The following DPF1 variants were observed in gnomAD, a reference collection of about 807,000 sequenced individuals.
The protein encoded by DPF1 is zinc finger protein neuro-d4.
DPF1 carries 14 observed loss-of-function variants against 58.7 expected under a neutral mutation model. The ratio of observed to expected loss-of-function variants is 0.24; its 90% CI spans 0.16 to 0.37. The LOEUF (loss-of-function observed/expected upper bound fraction) is 0.37, where lower values mean the gene tolerates loss of function less well. DPF1 is among the 10% of genes least tolerant of loss of function. The pLI is 1.00. For missense variants in DPF1, 345 were observed against 529.9 expected (o/e 0.65, Z 3.43); for synonymous variants, 216 against 216.0 (o/e 1.00, Z 0.00).
chr19:38,229,593 C>A lies in DPF1; in HGVS notation c.-166G>T. 2 of 1,136,572 alleles carry A rather than the reference C, an allele frequency of 1.8e-6. No individual in the cohort carries two copies. Among genetic ancestry groups the A allele is most frequent in the South Asian group, 8.5e-5 (2 of 23,528 alleles). The allele number at this position is 1,136,572 out of a possible 1,614,324, so 70.4% of individuals were successfully genotyped here. A position where few individuals can be genotyped will look rare whatever the true frequency, so the allele number is the denominator to read the frequency against. ...GGGTTCTGAATGGCGGTGGCCATGG[C>A]CCGCTCGGCTGGGCCGCCTCCGGCC... On this transcript the variant is annotated 5_prime_UTR_variant, in exon 1 of 12. Transcript: ENST00000412732. The surrounding 1 kb of genome is among the most constrained non-coding windows in gnomAD (Gnocchi z 5.3).
At chr19:38,216,058 G>T in intron 9 of DPF1, 82 bp downstream of exon 9, 1 of 1,522,378 alleles carries the variant, frequency 6.6e-7, no homozygotes. Context: ...GGTCCTCACC[G>T]CCTTGCCTCC....
rs1290871639 is a variant in DPF1 at position 38,222,440 on chromosome 19, G to A, written c.215C>T (p.Thr72Met). The A allele has an allele frequency of 1.3e-6, 2 of 1,586,002 alleles. No individual in the cohort carries two copies. Among genetic ancestry groups the A allele is most frequent in the East Asian group, 2.3e-5 (1 of 43,414 alleles). The change falls in exon 3 of 12, where the codon ACG becomes ATG. Residue 72 changes from threonine to methionine, a missense_variant. Physicochemically the swap from Thr to Met is moderately conservative, Grantham distance 81. Coordinates refer to ENST00000355526, the MANE Select transcript of DPF1 (RefSeq NM_001135155.3). This position sits in a 1 kb window ranked among gnomAD's most constrained non-coding sequence, Gnocchi z 4.9. The stretch of plus-strand genomic sequence containing the variant: ...CTTCCTCCAACAGCGGGCGGGGTAC[G>A]TGTAAATCTGTCCCGGGGCCAAACC... ...GPGLAPGQIY[T>M]YPARCWRKKR...
At position 38,211,972 on chromosome 19, in the gene DPF1, C is replaced by G. The variant is rs571442300; in HGVS notation, c.*91G>C. On this transcript the variant is annotated 3_prime_UTR_variant, in exon 12 of 12. Coordinates refer to ENST00000355526, the MANE Select transcript of DPF1 (RefSeq NM_001135155.3). The surrounding 1 kb of genome is among the most constrained non-coding windows in gnomAD (Gnocchi z 4.0). The stretch of plus-strand genomic sequence containing the variant: ...CTCGGCTTCCCCCTCTCCCCCTCCC[C>G]CTGCGGGATGTTCAGGGTGGGGGAG... 17 of 1,440,894 alleles carry G rather than the reference C, an allele frequency of 1.2e-5. No homozygotes were observed. The highest frequency in any genetic ancestry group is 9.7e-5 in the African/African-American group (7 of 71,836). The allele number at this position is 1,440,894 out of a possible 1,614,324, so 89.3% of individuals were successfully genotyped here.
intron 9 of DPF1, among the ~76,000 whole-genome samples, chr19:38,214,296 C>T (rs1671960176): frequency 6.6e-6 from 1 of 152,206 alleles, no homozygotes; most frequent in Non-Finnish European, 1.5e-5. Flanking sequence ...TGTGCAGCGC[C>T]AGGCTTAGTC....
Position 38,213,823 on chromosome 19 carries a change from G to A in DPF1, c.899-67C>T, listed in dbSNP as rs1465195467. The A allele has an allele frequency of 1.6e-5, 22 of 1,372,840 alleles. No homozygotes were observed. In the East Asian group the frequency reaches 4.9e-4, roughly 31 times the overall value. The allele number at this position is 1,372,840 out of a possible 1,614,324, so 85.0% of individuals were successfully genotyped here. On this transcript the variant is annotated intron_variant, in intron 9 of 11. Transcript: ENST00000355526. ...GCCCCTGGTGGGCACTGACCGGCAG[G>A]GGAGCCATAGCTCAGCCCCTACCCC...
upstream of DPF1, among the ~76,000 whole-genome samples, chr19:38,228,380 C>T (rs1037100452): frequency 1.3e-5 from 2 of 151,742 alleles, no homozygotes; most frequent in African/African-American, 2.4e-5. Context: ...GGGGCGCTCC[C>T]TCTCTCCCTC....
In DPF1 at chr19:38,218,834, CG is replaced by C. The variant is rs537978225; in HGVS notation, c.426+96del. On this transcript the variant is annotated intron_variant, in intron 4 of 11. Coordinates refer to ENST00000355526, the MANE Select transcript of DPF1 (RefSeq NM_001135155.3). ...GGGATGCCCAACAGCCAGAAGAAAC[CG>C]GGGGGGTTTCAGAGCAGGAACGTGA... 6.7e-4 allele frequency: 1,048 copies of C among 1,573,476 alleles called. 4 individuals are homozygous for C. Among genetic ancestry groups the C allele is most frequent in the South Asian group, 3.6e-3 (305 of 84,846 alleles).
upstream of DPF1, among the ~76,000 whole-genome samples, chr19:38,226,306 C>CCT (rs1967816602): frequency 6.8e-6 from 1 of 148,110 alleles, no homozygotes; most frequent in African/African-American, 2.5e-5. Flanking sequence ...TTCCCCTTCC[C>CCT]CTCTTCCACC....
rs758821009 is a variant in DPF1 at position 38,217,881 on chromosome 19, G to A, written c.517-5C>T. 1.9e-6 allele frequency: 3 copies of A among 1,614,046 alleles called. No homozygotes were observed. Among genetic ancestry groups the A allele is most frequent in the East Asian group, 4.5e-5 (2 of 44,872 alleles). On this transcript the variant is annotated splice_region_variant and splice_polypyrimidine_tract_variant and intron_variant, in intron 5 of 11. Coordinates refer to ENST00000355526, the MANE Select transcript of DPF1 (RefSeq NM_001135155.3). ...GAGACCCCCGATGCCATATGCCTGT[G>A]GGGAGAGTCAGGAGTGAGGGGCCAA...
chr19:38,220,663 C>G (rs747781765), intron 3 of DPF1, among the ~76,000 whole-genome samples: 21 of 151,536 alleles, frequency 1.4e-4, no homozygotes, highest in Non-Finnish European at 2.8e-4. Flanking sequence ...AAGAAAGAAA[C>G]AATTAGCCCT....
intron 9 of DPF1, among the ~76,000 whole-genome samples, chr19:38,215,174 C>T (rs1966924811): frequency 6.6e-6 from 1 of 151,170 alleles, no homozygotes; most frequent in African/African-American, 2.4e-5. Context: ...CATTATGTTG[C>T]CCTGGCTAGT....
intron 9 of DPF1, among the ~76,000 whole-genome samples, chr19:38,214,480 C>A (rs1330436431): frequency 6.6e-6 from 1 of 152,182 alleles, no homozygotes; most frequent in South Asian, 2.1e-4. Flanking sequence ...CAATTCATGA[C>A]CTACTGTGCT....
Position 38,222,695 on chromosome 19 carries a change from A to G in DPF1, c.43T>C (p.Phe15Leu). The change falls in exon 2 of 12, where the codon TTC (phenylalanine) becomes CTC (leucine). Residue 15 changes from phenylalanine to leucine, a missense_variant. Transcript: ENST00000355526. This position sits in a 1 kb window ranked among gnomAD's most constrained non-coding sequence, Gnocchi z 4.9. The stretch of plus-strand genomic sequence containing the variant: ...CAGTGCTCGATGGCCTCGCGGTAGA[A>G]GTCCTCGCCTAGGCTAGAGGGGCGG... ...IPGPLSLGED[F>L]YREAIEHCRS... is the part of the protein sequence containing the mutation. 1 of 1,600,816 alleles carries G rather than the reference A, an allele frequency of 6.2e-7. No homozygotes were observed. Among genetic ancestry groups the G allele is most frequent in the South Asian group, 1.1e-5 (1 of 89,448 alleles).
rs71354978 is a variant in DPF1 at position 38,213,633 on chromosome 19, G to T, written c.1011+11C>A. The T allele has an allele frequency of 2.1e-5, 34 of 1,610,008 alleles. No individual in the cohort carries two copies. Among genetic ancestry groups the T allele is most frequent in the Non-Finnish European group, 2.8e-5 (33 of 1,177,428 alleles). Reference sequence around the variant, plus strand: ...GGGCAGCAGGGCACGCGGGGGGCGGGCGGCACTCACGTCGTTCTCGGAGGT... The same window carrying T: ...GGGCAGCAGGGCACGCGGGGGGCGGTCGGCACTCACGTCGTTCTCGGAGGT... On this transcript the variant is annotated intron_variant, in intron 10 of 11. Transcript: ENST00000355526.
upstream of DPF1, among the ~76,000 whole-genome samples, chr19:38,228,496 G>C (rs1206461145): frequency 6.7e-6 from 1 of 150,164 alleles, no homozygotes; most frequent in African/African-American, 2.4e-5. Context: ...CGGCCCCTTT[G>C]TGCGACGCCG....
At chr19:38,226,667 T>C (rs904842140), upstream of DPF1, among the ~76,000 whole-genome samples, 3 of 152,004 alleles carry the variant, frequency 2.0e-5, no homozygotes, top group African/African-American at 7.2e-5. Context: ...ACAAGGGGAT[T>C]AAGTGAGGGG....
chr19:38,215,352 G>A (rs763390286), intron 9 of DPF1, among the ~76,000 whole-genome samples: 1 of 151,978 alleles, frequency 6.6e-6, no homozygotes, highest in Non-Finnish European at 1.5e-5. Flanking sequence ...AATTAGCCAG[G>A]CATGGTGGCG....
Position 38,217,849 on chromosome 19 carries a change from G to A in DPF1, c.544C>T (p.Arg182Cys), listed in dbSNP as rs762821032. 1.2e-6 allele frequency: 2 copies of A among 1,613,988 alleles called. No individual in the cohort carries two copies. Among genetic ancestry groups the A allele is most frequent in the Admixed American group, 1.7e-5 (1 of 60,002 alleles). The change falls in exon 6 of 12, where the codon CGC becomes TGC. Residue 182 changes from arginine to cysteine, a missense_variant. Arg to Cys is a radical substitution (Grantham distance 180). Coordinates refer to ENST00000355526, the MANE Select transcript of DPF1 (RefSeq NM_001135155.3). The stretch of plus-strand genomic sequence containing the variant: ...TCCTCCAGGGAAGCGGTGTCCTGGC[G>A]TTTCCGGAGACCCCCGATGCCATAT... ...KAYGIGGLRK[R>C]QDTASLEDRD... is the part of the protein sequence containing the mutation.
intron 10 of DPF1, among the ~76,000 whole-genome samples, chr19:38,213,052 A>G (rs535041089): frequency 2.0e-4 from 29 of 146,708 alleles, no homozygotes; most frequent in Middle Eastern, 3.8e-3. Context: ...CAGTGGCGCC[A>G]TCTCGGCTCA....
Sources: allele counts gnomAD v4.1 joint callset (sites outside exome capture counted in the v4.1 genomes callset), GRCh38; gene constraint gnomAD v4.1.1; non-coding constraint Gnocchi (gnomAD v3.1); transcripts MANE v1.5; gene names NCBI Gene and HGNC (gene_info 2026-07-23, HGNC 2026-07-21).